The following CPNE3 variants were observed in gnomAD, a reference collection of about 807,000 sequenced individuals.
The protein encoded by CPNE3 is copine 3.
Under a neutral mutation model 63.9 loss-of-function variants are expected in CPNE3, and 68 were observed. That is an observed-to-expected ratio of 1.06 (90% CI 0.87 to 1.30). CPNE3 has a LOEUF of 1.30. Among genes scored for constraint, CPNE3 ranks in the 50% most tolerant of loss-of-function variants. CPNE3 has a pLI of 0.00. For missense variants in CPNE3, 665 were observed against 578.1 expected, an observed-to-expected ratio of 1.15 and a Z score of -1.54; for synonymous variants, 219 against 197.5, an observed-to-expected ratio of 1.11 and a Z score of -0.91.
chr8:86,525,429 G>A (rs1032366618), intron 2 of CPNE3, among the ~76,000 whole-genome samples: 1 of 152,182 alleles, frequency 6.6e-6, no homozygotes, highest in Non-Finnish European at 1.5e-5. Flanking sequence ...TAGTGTTTAT[G>A]TAATTTCTTC....
At chr8:86,548,280 G>A (rs760010686) in intron 11 of CPNE3, 21 bp from the exon 12 acceptor site, 4 of 1,613,166 alleles carry the variant, frequency 2.5e-6, no homozygotes, top group Admixed American at 1.7e-5. Context: ...CTTACTAAGG[G>A]CTGCAATTGT....
chr8:86,538,883 T>C (rs939466046), intron 7 of CPNE3, among the ~76,000 whole-genome samples: 6 of 152,210 alleles, frequency 3.9e-5, no homozygotes, highest in Non-Finnish European at 7.3e-5. Flanking sequence ...TTTTTCCCCT[T>C]TTTAATTAAT....
chr8:86,556,313 T>G lies in CPNE3; in HGVS notation c.1466T>G (p.Phe489Cys). The G allele has an allele frequency of 2.3e-6, 2 of 873,038 alleles. No homozygotes were observed. Among genetic ancestry groups the G allele is most frequent in the South Asian group, 2.6e-5 (2 of 76,552 alleles). 54.1% of individuals were successfully genotyped at this position (873,038 alleles called of 1,614,324 possible). ...GEVAIRDIVQ[F>C]VPFRQFQNAP... is the part of the protein sequence containing the mutation. ...GTGGCCATCAGAGATATTGTCCAGT[T>G]TGTGCCTTTCAGACAGTTCCAGAAT... The change falls in exon 16 of 17, where the codon TTT becomes TGT. Residue 489 changes from phenylalanine to cysteine, a missense_variant. Transcript: ENST00000517490.
chr8:86,541,126 G>A (rs1820928260), intron 8 of CPNE3, among the ~76,000 whole-genome samples: 1 of 152,076 alleles, frequency 6.6e-6, no homozygotes, highest in African/African-American at 2.4e-5. Flanking sequence ...TAATAAATAT[G>A]GTAAAAGCAG....
intron 8 of CPNE3, among the ~76,000 whole-genome samples, chr8:86,540,662 G>A (rs909786983): frequency 2.0e-5 from 3 of 152,000 alleles, no homozygotes; most frequent in East Asian, 1.9e-4. Context: ...TAGGAACCTC[G>A]AACTACATTA....
At chr8:86,541,720 A>C (rs1270087897) in intron 8 of CPNE3, among the ~76,000 whole-genome samples, 6 of 151,414 alleles carry the variant, frequency 4.0e-5, no homozygotes, top group African/African-American at 1.2e-4. Flanking sequence ...AAAAAAAAAA[A>C]AAAACTGCTT....
At chr8:86,526,586 C>G (rs1237203871) in intron 2 of CPNE3, among the ~76,000 whole-genome samples, 1 of 151,742 alleles carries the variant, frequency 6.6e-6, no homozygotes, top group Non-Finnish European at 1.5e-5. Flanking sequence ...GATCTTGGCT[C>G]ACTGCAAACT....
At chr8:86,547,835 A>T in intron 11 of CPNE3, 65 bp downstream of exon 11, 2 of 786,420 alleles carry the variant, frequency 2.5e-6, no homozygotes, top group South Asian at 1.5e-5. Flanking sequence ...ATTTTCTTTC[A>T]CTGCAAAACT....
At chr8:86,558,137 C>T in intron 16 of CPNE3, 151 bp from the exon 17 acceptor site, 1 of 592,656 alleles carries the variant, frequency 1.7e-6, no homozygotes, top group Non-Finnish European at 3.0e-6. Flanking sequence ...TAACTCATTC[C>T]ATATTTCATG....
intron 14 of CPNE3, 169 bp downstream of exon 14, chr8:86,551,403 G>T (rs543374376): frequency 1.7e-6 from 1 of 598,740 alleles, no homozygotes; most frequent in South Asian, 2.2e-5. Context: ...TAGAAGAATT[G>T]CACCAGGTTG....
rs1362612572 is a variant in CPNE3, at chr8:86,560,819, GCCA to G, written c.*2413_*2415del. On this transcript the variant is annotated 3_prime_UTR_variant, in exon 17 of 17. Transcript: ENST00000517490. ...TTAAAATAGTCCTTTTCCCTGTTGT[GCCA>G]CCATTCATTTAAGTGCTGTTTGTTC... 3 of 152,034 alleles carry G rather than the reference GCCA, an allele frequency of 2.0e-5. No individual in the cohort carries two copies. Among genetic ancestry groups the G allele is most frequent in the Non-Finnish European group, 4.4e-5 (3 of 68,006 alleles). The allele number at this position is 152,034 out of a possible 1,614,324, so 9.4% of individuals were successfully genotyped here.
At chr8:86,537,069 G>A (rs1820818156) in intron 6 of CPNE3, among the ~76,000 whole-genome samples, 1 of 152,160 alleles carries the variant, frequency 6.6e-6, no homozygotes, top group African/African-American at 2.4e-5. Flanking sequence ...GACATAGAAG[G>A]CTGAGATATG....
intron 2 of CPNE3, chr8:86,524,756 C>G (rs1014995517): frequency 6.9e-6 from 1 of 144,270 alleles, no homozygotes. Flanking sequence ...ACTGTGGCCT[C>G]GAACTCCTGA....
At chr8:86,517,947 A>G (rs1353209875) in intron 2 of CPNE3, among the ~76,000 whole-genome samples, 2 of 152,234 alleles carry the variant, frequency 1.3e-5, no homozygotes, top group African/African-American at 4.8e-5. Context: ...AATTAAAAAC[A>G]GCTGAAACGA....
At chr8:86,539,396 G>A (rs1439100335) in intron 7 of CPNE3, among the ~76,000 whole-genome samples, 3 of 152,160 alleles carry the variant, frequency 2.0e-5, no homozygotes, top group Non-Finnish European at 4.4e-5. Context: ...ACATCTGAGT[G>A]CTGAATGTGC....
At chr8:86,550,762 AC>A (rs1821155695) in intron 12 of CPNE3, among the ~76,000 whole-genome samples, 1 of 152,240 alleles carries the variant, frequency 6.6e-6, no homozygotes, top group Non-Finnish European at 1.5e-5. Context: ...CTGAAATGAT[AC>A]ACAAGATTTA....
chr8:86,561,409 T>C lies in CPNE3; in HGVS notation c.*2999T>C, dbSNP rs1373276886. The C allele has an allele frequency of 6.6e-6, 1 of 152,238 alleles. No homozygotes were observed. Among genetic ancestry groups the C allele is most frequent in the Non-Finnish European group, 1.5e-5 (1 of 68,044 alleles). 9.4% of individuals were successfully genotyped at this position (152,238 alleles called of 1,614,324 possible). A position where few individuals can be genotyped will look rare whatever the true frequency, so the allele number is the denominator to read the frequency against. ...CCTTTTGGATAAAGTTATTTCTTGA[T>C]GTGACAGAGTAGTGTGTTTTCATTT... is the stretch of plus-strand genomic sequence containing the variant. On this transcript the variant is annotated 3_prime_UTR_variant, in exon 17 of 17. Coordinates refer to ENST00000517490, the MANE Select transcript of CPNE3 (RefSeq NM_003909.5).
chr8:86,522,577 T>TTTTTG (rs1820459737), intron 2 of CPNE3, among the ~76,000 whole-genome samples: 1 of 128,636 alleles, frequency 7.8e-6, no homozygotes, highest in Non-Finnish European at 1.7e-5. Flanking sequence ...TTTTTTTTTT[T>TTTTTG]AGTAGGGGAA....
intron 12 of CPNE3, among the ~76,000 whole-genome samples, chr8:86,550,543 C>T (rs1337247440): frequency 1.3e-5 from 2 of 152,160 alleles, no homozygotes; most frequent in Non-Finnish European, 2.9e-5. Flanking sequence ...TTGTGGGATA[C>T]TCAGTGGCTA....
Sources: gnomAD v4.1 joint callset for allele counts (sites outside exome capture counted in the v4.1 genomes callset) on GRCh38, gnomAD v4.1.1 for gene constraint, MANE v1.5 for transcripts, NCBI Gene and HGNC (gene_info 2026-07-23, HGNC 2026-07-21) for gene names.